JMJD1C: variants seen among roughly 807,000 people sequenced by gnomAD.
JMJD1C encodes the protein jumonji domain-containing protein 1C.
Under a neutral mutation model 245.3 loss-of-function variants are expected in JMJD1C, and 31 were observed. The observed-to-expected ratio is 0.13, with a 90% CI of 0.09 to 0.17. The LOEUF (loss-of-function observed/expected upper bound fraction) is 0.17, where lower values mean the gene tolerates loss of function less well. Among genes scored for constraint, JMJD1C ranks in the 10% least tolerant of loss-of-function variants. The pLI is 1.00. For missense variants in JMJD1C, 2,691 were observed against 3,000.2 expected (o/e 0.90, Z 2.41); for synonymous variants, 1,057 against 1,017.4 (o/e 1.04, Z -0.74).
intron 1 of JMJD1C, among the ~76,000 whole-genome samples, chr10:63,511,878 T>C (rs1044813767): frequency 6.6e-6 from 1 of 152,218 alleles, no homozygotes; most frequent in African/African-American, 2.4e-5. Context: ...CCATGTATAC[T>C]GAGGAATAAC....
chr10:63,249,224 G>A (rs928641957), intron 3 of JMJD1C, among the ~76,000 whole-genome samples: 2 of 152,218 alleles, frequency 1.3e-5, no homozygotes, highest in African/African-American at 2.4e-5. Flanking sequence ...GCTGAGGCAG[G>A]AGAATCGTTT....
intron 2 of JMJD1C, among the ~76,000 whole-genome samples, chr10:63,348,577 A>G (rs757146507): frequency 6.6e-6 from 1 of 152,170 alleles, no homozygotes; most frequent in Non-Finnish European, 1.5e-5. Flanking sequence ...CAAAATGGAG[A>G]TAATAAGGAT....
intron 10 of JMJD1C, among the ~76,000 whole-genome samples, chr10:63,201,640 A>C (rs1256390536): frequency 6.6e-6 from 1 of 152,194 alleles, no homozygotes; most frequent in African/African-American, 2.4e-5. Flanking sequence ...TTTATTTAAA[A>C]GTAAGCTGGC....
At chr10:63,480,841 T>C (rs138071470) in intron 1 of JMJD1C, among the ~76,000 whole-genome samples, 4 of 152,308 alleles carry the variant, frequency 2.6e-5, no homozygotes, top group African/African-American at 9.6e-5. Context: ...TTTTTGTGAC[T>C]ACCAACAACA....
At chr10:63,441,715 T>C (rs1158110637) in intron 1 of JMJD1C, among the ~76,000 whole-genome samples, 11 of 152,154 alleles carry the variant, frequency 7.2e-5, no homozygotes, top group Admixed American at 5.9e-4. Flanking sequence ...CTCCAACATA[T>C]GGTGGGAGTG....
chr10:63,248,105 G>A (rs889831728), intron 3 of JMJD1C, among the ~76,000 whole-genome samples: 2 of 151,954 alleles, frequency 1.3e-5, no homozygotes, highest in Admixed American at 6.5e-5. Context: ...GCGGGCGCCT[G>A]TATCCCAGCC....
intron 2 of JMJD1C, among the ~76,000 whole-genome samples, chr10:63,302,364 T>C (rs1054271076): frequency 6.6e-6 from 1 of 152,242 alleles, no homozygotes; most frequent in Non-Finnish European, 1.5e-5. Context: ...TTTATATCTG[T>C]ATATACTCAT....
intron 1 of JMJD1C, among the ~76,000 whole-genome samples, chr10:63,451,735 G>A (rs1490146739): frequency 2.6e-5 from 4 of 152,242 alleles, no homozygotes; most frequent in Non-Finnish European, 4.4e-5. Flanking sequence ...AATCCCCCAC[G>A]ATACTGAGAG....
chr10:63,301,872 A>G, intron 2 of JMJD1C: 1 of 368,742 alleles, frequency 2.7e-6, no homozygotes, highest in South Asian at 2.1e-5. Flanking sequence ...AAATGGCTAA[A>G]GAATTCTGTT....
chr10:63,330,693 A>G (rs1480026749), intron 2 of JMJD1C, among the ~76,000 whole-genome samples: 1 of 152,092 alleles, frequency 6.6e-6, no homozygotes, highest in Non-Finnish European at 1.5e-5. Context: ...TGTTCTGAAG[A>G]TACTTCTACC....
chr10:63,339,529 T>C (rs1246666523), intron 2 of JMJD1C, among the ~76,000 whole-genome samples: 1 of 152,128 alleles, frequency 6.6e-6, no homozygotes, highest in Non-Finnish European at 1.5e-5. Flanking sequence ...ACGCCTGTAA[T>C]ACCAGCACTT....
chr10:63,457,347 A>C (rs2133063443), intron 1 of JMJD1C, among the ~76,000 whole-genome samples: 1 of 152,324 alleles, frequency 6.6e-6, no homozygotes, highest in African/African-American at 2.4e-5. Context: ...TCACATGAAG[A>C]TAATAAATTA....
chr10:63,439,711 A>C (rs185098881), intron 1 of JMJD1C, among the ~76,000 whole-genome samples: 1 of 152,342 alleles, frequency 6.6e-6, no homozygotes, highest in Non-Finnish European at 1.5e-5. Flanking sequence ...ATTGAAAAAC[A>C]GACCGTATAA....
At chr10:63,521,615 G>T in intron 1 of JMJD1C, 1 of 1,370,858 alleles carries the variant, frequency 7.3e-7, no homozygotes, top group Non-Finnish European at 9.6e-7. Context: ...CCGGCGCGAG[G>T]CCCAGGGGAG....
chr10:63,311,162 G>A (rs1375012262), intron 2 of JMJD1C, among the ~76,000 whole-genome samples: 1 of 150,496 alleles, frequency 6.6e-6, no homozygotes, highest in Non-Finnish European at 1.5e-5. Context: ...CCTGAGGTCT[G>A]TAGTTCGAGA....
At chr10:63,221,050 C>A (rs1315690677) in intron 3 of JMJD1C, among the ~76,000 whole-genome samples, 2 of 147,696 alleles carry the variant, frequency 1.4e-5, no homozygotes, top group Non-Finnish European at 3.0e-5. Flanking sequence ...GTGGCACTTG[C>A]AATGGGCCGA....
At chr10:63,173,605 C>G (rs963521655) in intron 24 of JMJD1C, among the ~76,000 whole-genome samples, 1 of 152,088 alleles carries the variant, frequency 6.6e-6, no homozygotes, top group Non-Finnish European at 1.5e-5. Context: ...ATCTACAGTA[C>G]TAGCTACTCA....
intron 1 of JMJD1C, among the ~76,000 whole-genome samples, chr10:63,490,876 G>C (rs1433402810): frequency 6.7e-6 from 1 of 148,268 alleles, no homozygotes; most frequent in Non-Finnish European, 1.5e-5. Context: ...ATAAATAAAG[G>C]AGGCATTAAT....
chr10:63,183,363 C>T (rs2132883404), intron 22 of JMJD1C, 84 bp downstream of exon 22: 1 of 1,261,480 alleles, frequency 7.9e-7, no homozygotes, highest in East Asian at 2.7e-5. Context: ...TCGCTGTTAA[C>T]TCAGAAGCTG....
Sources: gnomAD v4.1 joint callset for allele counts (sites outside exome capture counted in the v4.1 genomes callset) on GRCh38, gnomAD v4.1.1 for gene constraint, MANE v1.5 for transcripts, NCBI Gene and HGNC (gene_info 2026-07-23, HGNC 2026-07-21) for gene names.